Variants in NKAIN3 observed in about 807,000 individuals in gnomAD.
NKAIN3 encodes sodium/potassium-transporting ATPase subunit beta-1-interacting protein 3.
Under a neutral mutation model 30.2 loss-of-function variants are expected in NKAIN3, and 25 were observed. That is an observed-to-expected ratio of 0.83 (90% confidence interval 0.60 to 1.16). The LOEUF (loss-of-function observed/expected upper bound fraction) is 1.16. NKAIN3 is among the 50% of genes most tolerant of loss of function. The pLI is 0.00. For missense variants in NKAIN3, 225 were observed against 254.1 expected, an observed-to-expected ratio of 0.89 and a Z score of 0.78; for synonymous variants, 91 against 89.6, an observed-to-expected ratio of 1.02 and a Z score of -0.09.
At chr8:62,343,146 A>G (rs573730016) in intron 1 of NKAIN3, among the ~76,000 whole-genome samples, 4 of 152,216 alleles carry the variant, frequency 2.6e-5, no homozygotes, top group African/African-American at 7.2e-5. Context: ...TACATACTCC[A>G]GAGTCTGACT....
Position 62,729,039 on chromosome 8 carries a change from A to AAAAAAAAAAAAACAAAC in NKAIN3, c.274-17893_274-17892insAAAAAAAAAAAACAAAC, listed in dbSNP as rs200466973. Among the ~76,000 whole-genome samples the AAAAAAAAAAAAACAAAC allele has an allele frequency of 8.6e-4, 83 of 96,908 alleles. 1 individual carries two copies. Among genetic ancestry groups the AAAAAAAAAAAAACAAAC allele is most frequent in the African/African-American group, 3.1e-3 (77 of 25,202 alleles). The allele number at this position is 96,908 out of a possible 152,430, so 63.6% of individuals were successfully genotyped here. ...ACAAACAAACCAAAAAAAAAAAAAAACAAAAAAAAAAAACCTCCTGCTCTG... is the reference window on the plus strand; with the variant it reads ...ACAAACAAACCAAAAAAAAAAAAAAAAAAAAAAAAAAACAAACCAAAAAAAAAAAACCTCCTGCTCTG... On this transcript the variant is annotated intron_variant, in intron 3 of 6. Transcript: ENST00000623646.
chr8:62,781,948 T>C (rs1817366324), intron 4 of NKAIN3, among the ~76,000 whole-genome samples: 1 of 152,024 alleles, frequency 6.6e-6, no homozygotes, highest in Non-Finnish European at 1.5e-5. Flanking sequence ...ACAAATGGGA[T>C]ATTTAACTAA....
chr8:62,787,761 T>G (rs1004514865), intron 4 of NKAIN3, among the ~76,000 whole-genome samples: 2 of 152,104 alleles, frequency 1.3e-5, no homozygotes, highest in Non-Finnish European at 2.9e-5. Flanking sequence ...TTCCCACCTA[T>G]GAGTGAGAAC....
intron 1 of NKAIN3, among the ~76,000 whole-genome samples, chr8:62,370,949 G>A (rs954896185): frequency 9.9e-5 from 15 of 151,934 alleles, no homozygotes; most frequent in African/African-American, 3.1e-4. Flanking sequence ...TTGTAAATGT[G>A]TTTCATTTCA....
At position 62,345,455 on chromosome 8, in the gene NKAIN3, G is replaced by A. The variant is rs1246841765; in HGVS notation, c.54+96328G>A. ...CATATATGTATATATACACACATAT[G>A]TATATATACACATATATACACATAT... On this transcript the variant is annotated intron_variant, in intron 1 of 6. Coordinates refer to ENST00000623646, the MANE Select transcript of NKAIN3 (RefSeq NM_001304533.3). 2.0e-3 allele frequency among the ~76,000 whole-genome samples: 158 copies of A among 77,350 alleles called. 5 individuals carry two copies. Among genetic ancestry groups the A allele is most frequent in the African/African-American group, 6.9e-3 (114 of 16,508 alleles). The allele number at this position is 77,350 out of a possible 152,430, so 50.7% of individuals were successfully genotyped here.
chr8:62,822,994 A>T (rs200852653), intron 4 of NKAIN3, among the ~76,000 whole-genome samples: 1 of 152,190 alleles, frequency 6.6e-6, no homozygotes, highest in South Asian at 2.1e-4. Flanking sequence ...CAGGTACAGT[A>T]AAAATGTAGG....
intron 4 of NKAIN3, among the ~76,000 whole-genome samples, chr8:62,878,108 A>G (rs1820856012): frequency 6.6e-6 from 1 of 151,960 alleles, no homozygotes; most frequent in Non-Finnish European, 1.5e-5. Flanking sequence ...ATAATAAAAT[A>G]TGTGCAATAA....
At chr8:62,677,630 G>T (rs1813517279) in intron 3 of NKAIN3, among the ~76,000 whole-genome samples, 1 of 152,210 alleles carries the variant, frequency 6.6e-6, no homozygotes, top group African/African-American at 2.4e-5. Flanking sequence ...TGCTGGATGG[G>T]CTCATTTCCT....
At chr8:62,582,325 A>C (rs1022591014) in intron 2 of NKAIN3, among the ~76,000 whole-genome samples, 1 of 152,152 alleles carries the variant, frequency 6.6e-6, no homozygotes, top group Non-Finnish European at 1.5e-5. Flanking sequence ...AGACAGACAC[A>C]TTCTCTGTCT....
In NKAIN3 at chr8:62,363,819, C is replaced by T. The variant is rs147809713; in HGVS notation, c.54+114692C>T. 1.9e-3 allele frequency among the ~76,000 whole-genome samples: 279 copies of T among 147,262 alleles called. 3 individuals are homozygous for T. In the Middle Eastern group the frequency reaches 0.021, roughly 11 times the overall value. ...AATTCTGTTGGTGAATCTGCTATCT[C>T]AGTGACTAGCTCTATTTGAAAGAAA... On this transcript the variant is annotated intron_variant, in intron 1 of 6. Transcript: ENST00000623646.
intron 3 of NKAIN3, among the ~76,000 whole-genome samples, chr8:62,667,098 T>G (rs980137542): frequency 1.5e-5 from 2 of 129,808 alleles, no homozygotes; most frequent in Admixed American, 9.8e-5. Context: ...AATTGAACAA[T>G]GAGAACACTT....
chr8:62,625,267 C>T (rs1040334166), intron 3 of NKAIN3, among the ~76,000 whole-genome samples: 8 of 151,968 alleles, frequency 5.3e-5, no homozygotes, highest in East Asian at 1.9e-4. Flanking sequence ...CTTTTCATAG[C>T]TGACTTTAAG....
At chr8:62,329,782 A>G (rs760470163) in intron 1 of NKAIN3, among the ~76,000 whole-genome samples, 1 of 152,144 alleles carries the variant, frequency 6.6e-6, no homozygotes, top group Non-Finnish European at 1.5e-5. Context: ...ACTATTGTTA[A>G]TAGCACTGCA....
At chr8:62,629,166 A>G (rs1360664446) in intron 3 of NKAIN3, among the ~76,000 whole-genome samples, 2 of 152,086 alleles carry the variant, frequency 1.3e-5, no homozygotes, top group African/African-American at 4.8e-5. Flanking sequence ...AATTCTAGTA[A>G]TGCTGGCAAA....
rs180718245 is a variant in NKAIN3, at chr8:62,524,769, C to A, written c.55-54770C>A. Reference sequence around the variant, plus strand: ...TCCCTCTTTATTCTTAAAAGCACTCCGCTCATCCACGTTGGTTACTTGTTT... The same window carrying A: ...TCCCTCTTTATTCTTAAAAGCACTCAGCTCATCCACGTTGGTTACTTGTTT... On this transcript the variant is annotated intron_variant, in intron 1 of 6. Transcript: ENST00000623646. 6.6e-5 allele frequency among the ~76,000 whole-genome samples: 10 copies of A among 152,192 alleles called. No individual in the cohort carries two copies. The East Asian group carries it at 1.9e-3, about 29-fold the overall frequency.
At chr8:62,650,091 T>C (rs1220794855) in intron 3 of NKAIN3, among the ~76,000 whole-genome samples, 1 of 152,176 alleles carries the variant, frequency 6.6e-6, no homozygotes, top group African/African-American at 2.4e-5. Context: ...AACTGCATTT[T>C]GATTCCAAGT....
At chr8:62,896,170 C>G (rs868485109) in intron 4 of NKAIN3, among the ~76,000 whole-genome samples, 2 of 152,054 alleles carry the variant, frequency 1.3e-5, no homozygotes, top group African/African-American at 4.8e-5. Flanking sequence ...GAGGGCCCCC[C>G]TCTTGATTCA....
intron 5 of NKAIN3, among the ~76,000 whole-genome samples, chr8:62,922,694 C>T (rs967056220): frequency 6.6e-6 from 1 of 151,684 alleles, no homozygotes; most frequent in Non-Finnish European, 1.5e-5. Flanking sequence ...AAGGAGCCAC[C>T]ACATTTGCCT....
Position 62,579,615 on chromosome 8 carries a change from T to C in NKAIN3, c.131T>C (p.Ile44Thr), listed in dbSNP as rs1434004446. The C allele has an allele frequency of 6.2e-7, 1 of 1,609,574 alleles. No homozygotes were observed. Among genetic ancestry groups the C allele is most frequent in the Non-Finnish European group, 8.5e-7 (1 of 1,176,570 alleles). ...CCTATTCTTGGAAATTTTCTACACA[T>C]AATAGTTGTCATATTGGGTTTGTTT... is the stretch of plus-strand genomic sequence containing the variant. ...WAPILGNFLH[I>T]IVVILGLFGT... Residue 44 changes from isoleucine to threonine, a missense_variant, in exon 2 of 7, where the codon ATA becomes ACA. Physicochemically the swap from Ile to Thr is moderately conservative, Grantham distance 89 (BLOSUM62 -1). Coordinates refer to ENST00000623646, the MANE Select transcript of NKAIN3 (RefSeq NM_001304533.3).
Sources: allele counts gnomAD v4.1 joint callset (sites outside exome capture counted in the v4.1 genomes callset), GRCh38; gene constraint gnomAD v4.1.1; transcripts MANE v1.5; gene names NCBI Gene and HGNC (gene_info 2026-07-23, HGNC 2026-07-21).